Variants in GCNT1 observed in about 807,000 individuals in gnomAD.
GCNT1 encodes glucosaminyl (N-acetyl) transferase 1, also known as beta-1,3-galactosyl-O-glycosyl-glycoprotein beta-1,6-N-acetylglucosaminyltransferase.
A neutral mutation model predicts 26.2 loss-of-function variants in GCNT1; 16 were observed. That is an observed-to-expected ratio of 0.61 (90% CI 0.41 to 0.93). GCNT1 has a LOEUF of 0.93. GCNT1 is among the 40% of genes least tolerant of loss of function. The pLI is 0.00. For synonymous variants in GCNT1, 183 were observed against 190.8 expected (o/e 0.96, Z 0.34); for missense variants, 477 against 526.7 (o/e 0.91, Z 0.92).
At chr9:76,439,957 C>T (rs1162758792), upstream of GCNT1, among the ~76,000 whole-genome samples, 4 of 151,920 alleles carry the variant, frequency 2.6e-5, no homozygotes, top group Admixed American at 6.6e-5. Context: ...AAAAATTAGC[C>T]GGGCTTGGTG....
intron 2 of GCNT1, among the ~76,000 whole-genome samples, chr9:76,487,858 C>G (rs1230747777): frequency 1.3e-5 from 2 of 152,208 alleles, no homozygotes; most frequent in African/African-American, 4.8e-5. Context: ...CCTCAGTCCC[C>G]TGAGTAGCTG....
At chr9:76,419,242 C>T (rs968887912), upstream of GCNT1, among the ~76,000 whole-genome samples, 33 of 152,116 alleles carry the variant, frequency 2.2e-4, no homozygotes, top group Non-Finnish European at 3.1e-4. Context: ...TGTCACAATC[C>T]CCCTCCAGAA....
At chr9:76,474,307 G>A (rs1275339603) in intron 2 of GCNT1, among the ~76,000 whole-genome samples, 1 of 152,132 alleles carries the variant, frequency 6.6e-6, no homozygotes, top group Non-Finnish European at 1.5e-5. Flanking sequence ...GACAGTATAA[G>A]TATCGTTTAT....
At chr9:76,424,765 C>T (rs1823238237) in intron 1 of GCNT1, among the ~76,000 whole-genome samples, 1 of 152,090 alleles carries the variant, frequency 6.6e-6, no homozygotes, top group Non-Finnish European at 1.5e-5. Context: ...TTCACCACAC[C>T]TCAGAAAAGA....
At chr9:76,394,430 G>T in the GCNT1 span, 12 of 414,768 alleles carry the variant, frequency 2.9e-5, no homozygotes, top group Admixed American at 3.8e-4. Context: ...AGTAAGTGCC[G>T]GGTGTGAGCG....
chr9:76,474,102 AAAAAGAAAGAAAAG>A (rs1373373717), intron 2 of GCNT1, among the ~76,000 whole-genome samples: 3 of 152,212 alleles, frequency 2.0e-5, no homozygotes, highest in Admixed American at 2.0e-4. Context: ...CCTGTCTCAG[AAAAAGAAAGAAAAG>A]AAAAGATTCA....
intron 1 of GCNT1, among the ~76,000 whole-genome samples, chr9:76,459,795 C>T (rs554971506): frequency 5.6e-4 from 85 of 152,268 alleles, no homozygotes; most frequent in African/African-American, 2.0e-3. Flanking sequence ...CAAACTATTA[C>T]TAATAAGAAA....
intron 1 of GCNT1, among the ~76,000 whole-genome samples, chr9:76,430,953 C>T (rs1399978851): frequency 1.3e-5 from 2 of 152,118 alleles, no homozygotes; most frequent in East Asian, 1.9e-4. Flanking sequence ...CCCAAAGTGC[C>T]GGGATTACGG....
At position 76,502,309 on chromosome 9, in the gene GCNT1, G is replaced by T; in HGVS notation, c.-73G>T. 1 of 1,054,718 alleles carries T rather than the reference G, an allele frequency of 9.5e-7. No individual in the cohort carries two copies. The highest frequency in any genetic ancestry group is 1.6e-5 in the South Asian group (1 of 63,232). 65.3% of individuals were successfully genotyped at this position (1,054,718 alleles called of 1,614,324 possible). On this transcript the variant is annotated 5_prime_UTR_variant, in exon 4 of 4. It introduces an in-frame stop codon into an upstream open reading frame of the 5' UTR. Transcript: ENST00000376730. ...AACTGACAACCTTCAAGGCCACGAC[G>T]GAGGGAAAATCATTGGTGCTTGGAG...
At chr9:76,420,820 TC>T (rs1341793141) in intron 1 of GCNT1, among the ~76,000 whole-genome samples, 1 of 151,808 alleles carries the variant, frequency 6.6e-6, no homozygotes, top group Non-Finnish European at 1.5e-5. Flanking sequence ...GCAGCTGTGG[TC>T]CCAGGTACTT....
intron 2 of GCNT1, among the ~76,000 whole-genome samples, chr9:76,485,309 A>G (rs2131621965): frequency 6.6e-6 from 1 of 152,084 alleles, no homozygotes; most frequent in East Asian, 1.9e-4. Context: ...AGCACCTGGG[A>G]TTATGGGCGC....
At chr9:76,465,628 C>T (rs1271113428) in intron 2 of GCNT1, among the ~76,000 whole-genome samples, 2 of 152,238 alleles carry the variant, frequency 1.3e-5, no homozygotes, top group African/African-American at 4.8e-5. Flanking sequence ...TACGCAGGCA[C>T]AGCCTGTGCA....
chr9:76,429,051 G>C (rs915073153), intron 1 of GCNT1, among the ~76,000 whole-genome samples: 1 of 152,068 alleles, frequency 6.6e-6, no homozygotes, highest in Non-Finnish European at 1.5e-5. Context: ...ACATGTGCAG[G>C]TTTGTTCTTA....
intron 1 of GCNT1, chr9:76,420,576 A>G (rs1213964871): frequency 1.3e-5 from 2 of 151,586 alleles, no homozygotes; most frequent in Non-Finnish European, 2.9e-5. Flanking sequence ...CACCCAGCCC[A>G]AAGTATAACA....
At chr9:76,418,720 GGCA>G (rs1169010217), upstream of GCNT1, among the ~76,000 whole-genome samples, 1 of 152,138 alleles carries the variant, frequency 6.6e-6, no homozygotes, top group African/African-American at 2.4e-5. Flanking sequence ...AATTTTGAGG[GGCA>G]GCAAATGATT....
chr9:76,418,849 G>T (rs1421447246), upstream of GCNT1, among the ~76,000 whole-genome samples: 8 of 152,152 alleles, frequency 5.3e-5, no homozygotes, highest in Non-Finnish European at 8.8e-5. Flanking sequence ...ATCCAGGTGT[G>T]GTTACATTAC....
upstream of GCNT1, among the ~76,000 whole-genome samples, chr9:76,418,605 C>T (rs1235207029): frequency 5.9e-5 from 9 of 152,114 alleles, no homozygotes; most frequent in Non-Finnish European, 1.3e-4. Context: ...ATTTAACATG[C>T]ATAAACATGA....
intron 1 of GCNT1, among the ~76,000 whole-genome samples, chr9:76,428,303 A>G (rs923815686): frequency 2.0e-5 from 3 of 148,896 alleles, no homozygotes; most frequent in South Asian, 2.1e-4. Context: ...AAAAAAAAAA[A>G]GAGAGAGAGA....
chr9:76,403,115 G>A, the GCNT1 span, among the ~76,000 whole-genome samples: 4 of 152,148 alleles, frequency 2.6e-5, no homozygotes, highest in African/African-American at 4.8e-5. Context: ...AAATATCTCT[G>A]GAAAATTAGA....
Sources: gnomAD v4.1 joint callset for allele counts (sites outside exome capture counted in the v4.1 genomes callset) on GRCh38, gnomAD v4.1.1 for gene constraint, MANE v1.5 for transcripts, NCBI Gene and HGNC (gene_info 2026-07-23, HGNC 2026-07-21) for gene names.